Variants in CXorf66 observed in about 807,000 individuals in gnomAD.
The protein encoded by CXorf66 is uncharacterized protein CXorf66.
Under a neutral mutation model 5.0 loss-of-function variants are expected in CXorf66, and 6 were observed. The observed-to-expected ratio is 1.20, with a 90% CI of 0.65 to 2.36. CXorf66 has a LOEUF of 2.36. CXorf66 is among the 30% of genes most tolerant of loss of function. The pLI is 0.00. For synonymous variants in CXorf66, 98 were observed against 102.8 expected (o/e 0.95, Z 0.28); for missense variants, 270 against 254.9 (o/e 1.06, Z -0.40).
rs773598985 is a variant in CXorf66 at position 139,958,205 on chromosome X, A to G, written c.101T>C (p.Val34Ala). ...NGSSTTGDKP[V>A]ESMQTKLNYL... ...GTTCAATTTTGTCTGCATTGATTCA[A>G]CAGGTTTATCTCCTGCAAAGAGATT... Residue 34 changes from valine (V) to alanine (A), a missense_variant, in exon 2 of 3, where the codon GTT (valine) becomes GCT (alanine). Val to Ala is a moderately conservative substitution (Grantham distance 64). Transcript: ENST00000370540. 22 of 1,185,280 alleles carry G rather than the reference A, an allele frequency of 1.9e-5. No homozygotes were observed. In the African/African-American group the frequency reaches 3.5e-4, roughly 19 times the overall value.
Position 139,958,083 on chromosome X carries a change from C to T in CXorf66, c.223G>A (p.Asp75Asn), listed in dbSNP as rs772733357. The T allele has an allele frequency of 2.7e-5, 32 of 1,200,438 alleles. No individual in the cohort carries two copies. The East Asian group carries it at 9.5e-4, about 36-fold the overall frequency. Reference sequence around the variant, plus strand: ...ACTTACATTCCTGCTTTGGACGCATCATCGCTCAGACAATTATAATGGAGA... The same window carrying T: ...ACTTACATTCCTGCTTTGGACGCATTATCGCTCAGACAATTATAATGGAGA... ...CYLHYNCLSD[D>N]ASKAGMVKKK... Residue 75 changes from aspartate (D) to asparagine (N), a missense_variant, in exon 2 of 3, where the codon GAT becomes AAT. Asp to Asn is a conservative substitution (Grantham distance 23, BLOSUM62 1). Coordinates refer to ENST00000370540, the MANE Select transcript of CXorf66 (RefSeq NM_001013403.3).
At chrX:139,958,633 C>G (rs757102517) in intron 1 of CXorf66, among the ~76,000 whole-genome samples, 24 of 112,111 alleles carry the variant, frequency 2.1e-4, no homozygotes, top group Non-Finnish European at 3.9e-4. Context: ...CAAATAGGAA[C>G]AGCTCTGGTC....
Position 139,956,649 on chromosome X carries a change from G to A in CXorf66, c.333C>T (p.Pro111=), listed in dbSNP as rs779028029. The A allele has an allele frequency of 2.5e-6, 3 of 1,209,451 alleles. No homozygotes were observed. The highest frequency in any genetic ancestry group is 1.8e-5 in the South Asian group (1 of 56,827). ...TASQCSPETQ[P]MLSTADKSSD... Reference sequence around the variant, plus strand: ...ATGACTTGTCTGCAGTAGATAGCATGGGTTGTGTTTCTGGACTGCATTGAG... The same window carrying A: ...ATGACTTGTCTGCAGTAGATAGCATAGGTTGTGTTTCTGGACTGCATTGAG... Residue 111 remains proline, a synonymous_variant, in exon 3 of 3, where the codon CCC becomes CCT. Transcript: ENST00000370540.
Position 139,955,852 on chromosome X carries a change from A to G in CXorf66, c.*44T>C. 1 of 1,130,784 alleles carries G rather than the reference A, an allele frequency of 8.8e-7. No individual in the cohort carries two copies. The highest frequency in any genetic ancestry group is 1.8e-5 in the African/African-American group (1 of 55,116). 93.2% of individuals were successfully genotyped at this position (1,130,784 alleles called of 1,213,427 possible). ...GGATGATGAGCATAAAATAGTTGGT[A>G]TAAGTTTGCTCTTTCACACTTGGAT... On this transcript the variant is annotated 3_prime_UTR_variant, in exon 3 of 3. Coordinates refer to ENST00000370540, the MANE Select transcript of CXorf66 (RefSeq NM_001013403.3).
chrX:139,962,264 A>G (rs2085596000), intron 1 of CXorf66, among the ~76,000 whole-genome samples: 1 of 112,179 alleles, frequency 8.9e-6, no homozygotes, highest in African/African-American at 3.2e-5. Context: ...CTACAGAAAT[A>G]CAAACTACCA....
At chrX:139,960,917 G>A (rs2085591199) in intron 1 of CXorf66, among the ~76,000 whole-genome samples, 1 of 111,645 alleles carries the variant, frequency 9.0e-6, no homozygotes, top group Non-Finnish European at 1.9e-5. Flanking sequence ...CCTTACAAGA[G>A]CTCCTGAAGG....
intron 1 of CXorf66, among the ~76,000 whole-genome samples, chrX:139,959,910 C>G (rs751138752): frequency 5.2e-4 from 58 of 111,734 alleles, no homozygotes; most frequent in Admixed American, 1.0e-3. Context: ...CACAAAAACC[C>G]CATCCAAAGG....
Position 139,956,739 on chromosome X carries a change from C to A in CXorf66, c.243G>T (p.Met81Ile). The A allele has an allele frequency of 8.4e-7, 1 of 1,196,229 alleles. No homozygotes were observed. Among genetic ancestry groups the A allele is most frequent in the Non-Finnish European group, 1.1e-6 (1 of 889,083 alleles). The part of the protein sequence containing the change: ...CLSDDASKAG[M>I]VKKKGIAAKS... Reference sequence around the variant, plus strand: ...TGGCTGCTATGCCTTTTTTCTTGACCCTGAAAGTATAGAAAATTTGGAGTA... The same window carrying A: ...TGGCTGCTATGCCTTTTTTCTTGACACTGAAAGTATAGAAAATTTGGAGTA... The change falls in exon 3 of 3, where the codon ATG becomes ATT. Residue 81 changes from methionine to isoleucine, a missense_variant and splice_region_variant. Physicochemically the swap from Met to Ile is conservative, Grantham distance 10. Transcript: ENST00000370540.
intron 1 of CXorf66, among the ~76,000 whole-genome samples, chrX:139,959,162 A>G (rs886231358): frequency 8.9e-6 from 1 of 111,916 alleles, no homozygotes; most frequent in Admixed American, 9.5e-5. Flanking sequence ...GCTAAGATCT[A>G]CTGGCTTGAC....
At chrX:139,964,901 G>GCA (rs1424288906) in intron 1 of CXorf66, among the ~76,000 whole-genome samples, 12 of 109,710 alleles carry the variant, frequency 1.1e-4, no homozygotes, top group Non-Finnish European at 2.1e-4. Flanking sequence ...ATCACACACT[G>GCA]GGGCCTGTTG....
chrX:139,956,457 C>A lies in CXorf66; in HGVS notation c.525G>T (p.Lys175Asn), dbSNP rs1192312997. ...TATGTGCCTTTTCCAGGTGAGATGACTTGCTTAATTTTTTTGAGCATGATG... is the reference window on the plus strand; with the variant it reads ...TATGTGCCTTTTCCAGGTGAGATGAATTGCTTAATTTTTTTGAGCATGATG... ...SKSSCSKKLS[K>N]SSHLEKAHKK... Residue 175 changes from lysine (K) to asparagine (N), a missense_variant, in exon 3 of 3, where the codon AAG becomes AAT. By Grantham distance (94) the Lys-to-Asn change is moderately conservative. Transcript: ENST00000370540. 8.3e-7 allele frequency: 1 copy of A among 1,210,031 alleles called. No individual in the cohort carries two copies. The highest frequency in any genetic ancestry group is 1.1e-6 in the Non-Finnish European group (1 of 895,262).
chrX:139,960,761 TG>T (rs1183313461), intron 1 of CXorf66, among the ~76,000 whole-genome samples: 1 of 110,771 alleles, frequency 9.0e-6, no homozygotes, highest in Non-Finnish European at 1.9e-5. Flanking sequence ...CAGAAGAGAG[TG>T]GGGGCCAATA....
intron 1 of CXorf66, among the ~76,000 whole-genome samples, chrX:139,963,641 C>CTGATCTTTGACAAACCTG (rs1569496477): frequency 1.1e-4 from 12 of 105,100 alleles, no homozygotes; most frequent in East Asian, 3.5e-4. Flanking sequence ...CTGGAGGCAT[C>CTGATCTTTGACAAACCTG]ACTCTACCTT....
chrX:139,962,967 T>C (rs1280451159), intron 1 of CXorf66, among the ~76,000 whole-genome samples: 1 of 111,899 alleles, frequency 8.9e-6, no homozygotes. Context: ...GCCAATATCA[T>C]ACTGAATGGG....
intron 2 of CXorf66, 117 bp downstream of exon 2, chrX:139,957,947 T>C (rs182082013): frequency 7.4e-5 from 48 of 652,796 alleles, no homozygotes; most frequent in East Asian, 7.2e-4. Context: ...CTACAAAAGG[T>C]TGGTAGCTCT....
At chrX:139,963,377 G>T (rs1259036525) in intron 1 of CXorf66, among the ~76,000 whole-genome samples, 2 of 111,430 alleles carry the variant, frequency 1.8e-5, no homozygotes, top group East Asian at 5.7e-4. Flanking sequence ...AACTCTTCAA[G>T]GAGAACTACA....
chrX:139,958,779 A>G (rs894095719), intron 1 of CXorf66, among the ~76,000 whole-genome samples: 1 of 111,883 alleles, frequency 8.9e-6, no homozygotes, highest in South Asian at 3.8e-4. Context: ...CAGCCCAAGG[A>G]GGGCGAGCAG....
At chrX:139,965,077 A>G (rs1214545925) in intron 1 of CXorf66, among the ~76,000 whole-genome samples, 1 of 111,416 alleles carries the variant, frequency 9.0e-6, no homozygotes, top group Non-Finnish European at 1.9e-5. Context: ...ACTTGAAGTA[A>G]AAAAAACAAA....
chrX:139,962,290 A>G (rs1201993467), intron 1 of CXorf66, among the ~76,000 whole-genome samples: 1 of 112,188 alleles, frequency 8.9e-6, no homozygotes, highest in African/African-American at 3.2e-5. Flanking sequence ...GAATAGTATA[A>G]ACACCTCTAT....
Sources: gnomAD v4.1 joint callset for allele counts (sites outside exome capture counted in the v4.1 genomes callset) on GRCh38, gnomAD v4.1.1 for gene constraint, MANE v1.5 for transcripts, NCBI Gene and HGNC (gene_info 2026-07-23, HGNC 2026-07-21) for gene names.